RABGEF1: variants seen among roughly 807,000 people sequenced by gnomAD.
The protein encoded by RABGEF1 is rab5 GDP/GTP exchange factor.
Under a neutral mutation model 57.3 loss-of-function variants are expected in RABGEF1, and 26 were observed. That is an observed-to-expected ratio of 0.45 (90% CI 0.33 to 0.63). The LOEUF (loss-of-function observed/expected upper bound fraction) is 0.63. Ranked by LOEUF, RABGEF1 falls within the 20% of genes least tolerant of loss-of-function variation. The probability of loss-of-function intolerance (pLI) is 0.02; values close to 1 mark genes in which losing one functional copy is unlikely to be tolerated. For missense variants in RABGEF1, 464 were observed against 607.6 expected (o/e 0.76, Z 2.48); for synonymous variants, 185 against 210.7 (o/e 0.88, Z 1.06).
At chr7:66,741,604 A>G (rs1361189381) in intron 1 of RABGEF1, among the ~76,000 whole-genome samples, 3 of 151,696 alleles carry the variant, frequency 2.0e-5, no homozygotes, top group Middle Eastern at 3.2e-3. Context: ...TAGGTAGGAA[A>G]TTTTCCCAGG....
At chr7:66,765,918 A>G (rs1362264098) in intron 1 of RABGEF1, among the ~76,000 whole-genome samples, 1 of 152,212 alleles carries the variant, frequency 6.6e-6, no homozygotes, top group Non-Finnish European at 1.5e-5. Flanking sequence ...TGTTCATTTT[A>G]GTAACATTGA....
At chr7:66,767,372 T>A (rs1201705447) in intron 1 of RABGEF1, among the ~76,000 whole-genome samples, 1 of 152,114 alleles carries the variant, frequency 6.6e-6, no homozygotes, top group Non-Finnish European at 1.5e-5. Flanking sequence ...TGCGAATTTT[T>A]AAATTTTATT....
intron 1 of RABGEF1, among the ~76,000 whole-genome samples, chr7:66,704,626 C>A (rs1401091315): frequency 6.6e-6 from 1 of 151,870 alleles, no homozygotes; most frequent in Non-Finnish European, 1.5e-5. Flanking sequence ...CTGGCTAACA[C>A]TGTGAAACCC....
chr7:66,686,613 C>T (rs1193549820), intron 1 of RABGEF1, among the ~76,000 whole-genome samples: 5 of 152,188 alleles, frequency 3.3e-5, no homozygotes, highest in South Asian at 2.1e-4. Flanking sequence ...TGTTATAATA[C>T]GTAAACATGT....
the RABGEF1 span, chr7:66,669,860 C>G: frequency 6.6e-6 from 1 of 151,972 alleles, no homozygotes; most frequent in Non-Finnish European, 1.5e-5. Context: ...CACCCACACC[C>G]GGGCCACCAC....
chr7:66,767,081 C>T (rs1465773282), intron 1 of RABGEF1, among the ~76,000 whole-genome samples: 1 of 149,468 alleles, frequency 6.7e-6, no homozygotes, highest in Admixed American at 6.7e-5. Context: ...TGGCTCACTG[C>T]AACCTCCATC....
Position 66,809,350 on chromosome 7 carries a change from AT to A in RABGEF1, c.*68del. The A allele has an allele frequency of 1.4e-6, 2 of 1,477,766 alleles. No homozygotes were observed. The highest frequency in any genetic ancestry group is 9.1e-7 in the Non-Finnish European group (1 of 1,095,818). The allele number at this position is 1,477,766 out of a possible 1,614,324, so 91.5% of individuals were successfully genotyped here. ...AGGTAGCCCTTACTACACTCAACTG[AT>A]TGGGATCTAGAATGTAACTAAATTG... On this transcript the variant is annotated 3_prime_UTR_variant, in exon 9 of 9. Transcript: ENST00000284957.
At chr7:66,758,969 T>TC (rs1376486228) in intron 1 of RABGEF1, among the ~76,000 whole-genome samples, 2 of 152,240 alleles carry the variant, frequency 1.3e-5, no homozygotes, top group Non-Finnish European at 2.9e-5. Flanking sequence ...TGTGTACTCT[T>TC]CTAGTTTGCC....
At chr7:66,700,476 C>A (rs1035889640) in intron 1 of RABGEF1, among the ~76,000 whole-genome samples, 32 of 64,334 alleles carry the variant, frequency 5.0e-4, no homozygotes, top group African/African-American at 1.1e-3. Context: ...GACTGAGGGC[C>A]AAGCGGGCCC....
chr7:66,691,510 C>T (rs1791514357), intron 1 of RABGEF1, among the ~76,000 whole-genome samples: 1 of 152,042 alleles, frequency 6.6e-6, no homozygotes, highest in Non-Finnish European at 1.5e-5. Context: ...ACCCAAAAAA[C>T]ATATACACAT....
chr7:66,756,593 ATATTTT>A, intron 1 of RABGEF1, among the ~76,000 whole-genome samples: 2 of 151,960 alleles, frequency 1.3e-5, no homozygotes, highest in East Asian at 3.9e-4. Context: ...ATTTGCTTTT[ATATTTT>A]GGCTACAGAT....
At chr7:66,779,643 G>T (rs1809386639) in intron 3 of RABGEF1, among the ~76,000 whole-genome samples, 1 of 150,124 alleles carries the variant, frequency 6.7e-6, no homozygotes, top group Non-Finnish European at 1.5e-5. Context: ...CCGTACTCCA[G>T]CCTGGGTGAC....
chr7:66,806,851 C>T (rs1400355189), intron 8 of RABGEF1, among the ~76,000 whole-genome samples: 2 of 152,038 alleles, frequency 1.3e-5, no homozygotes, highest in Non-Finnish European at 2.9e-5. Flanking sequence ...ACCTTGTTGG[C>T]CAGGCTGGTC....
At chr7:66,796,238 T>A (rs1263859576) in intron 5 of RABGEF1, among the ~76,000 whole-genome samples, 1 of 149,708 alleles carries the variant, frequency 6.7e-6, no homozygotes, top group Admixed American at 6.7e-5. Context: ...ATTAATAGTT[T>A]AAAAAAAAAA....
intron 7 of RABGEF1, among the ~76,000 whole-genome samples, chr7:66,804,040 G>A (rs1053573095): frequency 8.6e-5 from 13 of 151,944 alleles, no homozygotes; most frequent in Admixed American, 2.0e-4. Context: ...ACATGCTGGA[G>A]AGTTTGGCCA....
At chr7:66,704,056 C>T (rs1478990443) in intron 1 of RABGEF1, among the ~76,000 whole-genome samples, 1 of 152,130 alleles carries the variant, frequency 6.6e-6, no homozygotes. Context: ...GAAGCTATTG[C>T]ACATAGAATG....
chr7:66,764,509 TATC>T (rs1308781361), intron 1 of RABGEF1, among the ~76,000 whole-genome samples: 1 of 152,228 alleles, frequency 6.6e-6, no homozygotes, highest in Non-Finnish European at 1.5e-5. Context: ...TTTGGTGCCA[TATC>T]TAAACATCCT....
At position 66,810,650 on chromosome 7, in the gene RABGEF1, T is replaced by C. The variant is rs1279903978; in HGVS notation, c.*1366T>C. 2 of 152,216 alleles carry C rather than the reference T, an allele frequency of 1.3e-5. No homozygotes were observed. Among genetic ancestry groups the C allele is most frequent in the Admixed American group, 1.3e-4 (2 of 15,272 alleles). 9.4% of individuals were successfully genotyped at this position (152,216 alleles called of 1,614,324 possible). ...AACCTTCTATAACCTAAATATACCA[T>C]TGATGATTCTTCTTCCATTCAGTGA... is the stretch of plus-strand genomic sequence containing the variant. On this transcript the variant is annotated 3_prime_UTR_variant, in exon 9 of 9. Transcript: ENST00000284957.
intron 2 of RABGEF1, among the ~76,000 whole-genome samples, chr7:66,772,403 C>T (rs1807362399): frequency 2.0e-5 from 3 of 152,100 alleles, no homozygotes; most frequent in Admixed American, 6.5e-5. Context: ...ATAAATTTGA[C>T]GTACCCACTG....
Sources: gnomAD v4.1 joint callset for allele counts (sites outside exome capture counted in the v4.1 genomes callset) on GRCh38, gnomAD v4.1.1 for gene constraint, MANE v1.5 for transcripts, NCBI Gene and HGNC (gene_info 2026-07-23, HGNC 2026-07-21) for gene names.